The following PIP4K2A variants were observed in gnomAD, a reference collection of about 807,000 sequenced individuals.
The protein encoded by PIP4K2A is phosphatidylinositol-5-phosphate 4-kinase type 2 alpha, also known as phosphatidylinositol 5-phosphate 4-kinase type-2 alpha.
In PIP4K2A, 14 loss-of-function variants were observed where a neutral mutation model predicts 42.9. The ratio of observed to expected loss-of-function variants is 0.33; its 90% CI spans 0.22 to 0.51. The LOEUF (loss-of-function observed/expected upper bound fraction) is 0.51, where lower values mean the gene tolerates loss of function less well. PIP4K2A is among the 20% of genes least tolerant of loss of function. The pLI is 0.97. For synonymous variants in PIP4K2A, 192 were observed against 192.2 expected, an observed-to-expected ratio of 1.00 and a Z score of 0.01; for missense variants, 434 against 519.8, an observed-to-expected ratio of 0.83 and a Z score of 1.61.
At chr10:22,609,495 C>T (rs1286125122) in intron 2 of PIP4K2A, 125 bp downstream of exon 2, 2 of 663,372 alleles carry the variant, frequency 3.0e-6, no homozygotes, top group Non-Finnish European at 5.4e-6. Flanking sequence ...ATGTTTATCA[C>T]AGGATTAACT....
chr10:22,619,539 C>A (rs533270871), intron 1 of PIP4K2A, among the ~76,000 whole-genome samples: 23 of 151,078 alleles, frequency 1.5e-4, no homozygotes, highest in Middle Eastern at 3.4e-3. Flanking sequence ...TGGGTTCAAG[C>A]AATTCTCCTG....
chr10:22,619,261 T>C (rs1459756112), intron 1 of PIP4K2A, among the ~76,000 whole-genome samples: 1 of 151,942 alleles, frequency 6.6e-6, no homozygotes, highest in Non-Finnish European at 1.5e-5. Context: ...GCAAACCAAA[T>C]AGCAATTTGA....
chr10:22,675,891 A>C (rs751849145), intron 1 of PIP4K2A, among the ~76,000 whole-genome samples: 5 of 152,210 alleles, frequency 3.3e-5, no homozygotes, highest in Non-Finnish European at 7.3e-5. Flanking sequence ...AAACTGATCC[A>C]CAAAAAAATC....
intron 4 of PIP4K2A, among the ~76,000 whole-genome samples, chr10:22,579,449 G>A (rs1028280346): frequency 6.6e-6 from 1 of 152,182 alleles, no homozygotes; most frequent in Non-Finnish European, 1.5e-5. Context: ...CTGATAAATG[G>A]TGTTCTCCAC....
intron 1 of PIP4K2A, among the ~76,000 whole-genome samples, chr10:22,703,505 G>C (rs1026506517): frequency 3.3e-5 from 5 of 152,198 alleles, no homozygotes; most frequent in Non-Finnish European, 7.3e-5. Flanking sequence ...TTGCCTTTAG[G>C]AACAGAAAAA....
chr10:22,557,118 A>G lies in PIP4K2A; in HGVS notation c.679-6346T>C, dbSNP rs547981491. 1.8e-4 allele frequency among the ~76,000 whole-genome samples: 27 copies of G among 152,344 alleles called. 1 individual carries two copies. Among genetic ancestry groups the G allele is most frequent in the African/African-American group, 6.5e-4 (27 of 41,568 alleles). The stretch of plus-strand genomic sequence containing the variant: ...TCAATACAAGGTATCAATGATCTCT[A>G]AGGACAGATTTGGCCAGGGGGTTGG... On this transcript the variant is annotated intron_variant, in intron 6 of 9. Transcript: ENST00000376573.
chr10:22,617,142 C>T (rs1025067988), intron 1 of PIP4K2A, among the ~76,000 whole-genome samples: 5 of 152,218 alleles, frequency 3.3e-5, no homozygotes, highest in Non-Finnish European at 5.9e-5. Context: ...TTCCCTCCAA[C>T]ACTGCAAAAC....
At chr10:22,632,435 T>C (rs147243214) in intron 1 of PIP4K2A, among the ~76,000 whole-genome samples, 1 of 152,228 alleles carries the variant, frequency 6.6e-6, no homozygotes, top group African/African-American at 2.4e-5. Flanking sequence ...TAGTATAGTA[T>C]GTACAACATT....
intron 1 of PIP4K2A, among the ~76,000 whole-genome samples, chr10:22,648,039 C>T (rs1336370028): frequency 6.6e-6 from 1 of 152,208 alleles, no homozygotes; most frequent in Non-Finnish European, 1.5e-5. Flanking sequence ...ACCCATTCTT[C>T]AAGGCTGTTC....
chr10:22,576,415 C>A (rs1422167272), intron 4 of PIP4K2A, among the ~76,000 whole-genome samples: 1 of 152,132 alleles, frequency 6.6e-6, no homozygotes, highest in African/African-American at 2.4e-5. Context: ...GTAACACCAG[C>A]GGGTGTTAAC....
In PIP4K2A at chr10:22,638,623, G is replaced by A. The variant is rs181963520; in HGVS notation, c.145-28906C>T. Among the ~76,000 whole-genome samples, 14 of 152,134 alleles carry A rather than the reference G, an allele frequency of 9.2e-5. 1 individual carries two copies. The highest frequency in any genetic ancestry group is 2.1e-4 in the South Asian group (1 of 4,828). On this transcript the variant is annotated intron_variant, in intron 1 of 9. Transcript: ENST00000376573. ...AATTTTCAAAATAAGTATCTTAAACGGAAATTATTCTCCTAGTGAACAGGG... is the reference window on the plus strand; with the variant it reads ...AATTTTCAAAATAAGTATCTTAAACAGAAATTATTCTCCTAGTGAACAGGG...
At chr10:22,689,212 T>G (rs926109853) in intron 1 of PIP4K2A, among the ~76,000 whole-genome samples, 4 of 150,480 alleles carry the variant, frequency 2.7e-5, no homozygotes, top group African/African-American at 9.8e-5. Context: ...TTGGGAGCAA[T>G]CCCCCATCTC....
At chr10:22,596,807 A>G (rs1379992574) in intron 3 of PIP4K2A, among the ~76,000 whole-genome samples, 1 of 152,268 alleles carries the variant, frequency 6.6e-6, no homozygotes, top group Non-Finnish European at 1.5e-5. Flanking sequence ...TGCCCAACTC[A>G]GTTCTCCAAC....
chr10:22,542,058 A>G lies in PIP4K2A; in HGVS notation c.793-11T>C. The G allele has an allele frequency of 1.9e-6, 3 of 1,600,446 alleles. No homozygotes were observed. The highest frequency in any genetic ancestry group is 3.3e-4 in the Middle Eastern group (2 of 5,976). On this transcript the variant is annotated splice_polypyrimidine_tract_variant and intron_variant, in intron 7 of 9. Transcript: ENST00000376573. ...CAGCTGGGCCAGAAACTGGGGACAG[A>G]GGCAACAGGGTGAGTCAGCCACACC...
chr10:22,709,647 G>A (rs2130929645), intron 1 of PIP4K2A, among the ~76,000 whole-genome samples: 1 of 152,292 alleles, frequency 6.6e-6, no homozygotes, highest in South Asian at 2.1e-4. Flanking sequence ...GCATCATTCT[G>A]AGTACTGAAG....
intron 1 of PIP4K2A, among the ~76,000 whole-genome samples, chr10:22,619,944 G>A (rs1365547403): frequency 1.3e-5 from 2 of 152,084 alleles, no homozygotes; most frequent in African/African-American, 2.4e-5. Context: ...AAAGCACAAA[G>A]GTCATCCTTT....
intron 1 of PIP4K2A, among the ~76,000 whole-genome samples, chr10:22,627,193 A>C (rs1838457315): frequency 6.6e-6 from 1 of 152,270 alleles, no homozygotes; most frequent in Non-Finnish European, 1.5e-5. Flanking sequence ...TGCTATGAAC[A>C]TGAATCAAGC....
rs746620348 is a variant in PIP4K2A, at chr10:22,591,788, G to A, written c.340-7C>T. On this transcript the variant is annotated splice_polypyrimidine_tract_variant and splice_region_variant and intron_variant, in intron 3 of 9. Transcript: ENST00000376573. ...CGCTCCTGGTCAGGGAATTCTTCCC[G>A]GGTGGGGTAAGAGGGGAAGGAAGGC... 44 of 1,606,270 alleles carry A rather than the reference G, an allele frequency of 2.7e-5. No homozygotes were observed. The highest frequency in any genetic ancestry group is 2.0e-4 in the Admixed American group (12 of 59,186).
intron 1 of PIP4K2A, among the ~76,000 whole-genome samples, chr10:22,682,254 A>G (rs1396277601): frequency 6.6e-6 from 1 of 152,218 alleles, no homozygotes; most frequent in Admixed American, 6.5e-5. Context: ...TTAAGAGCCA[A>G]AGTTACTTTT....
Sources: gnomAD v4.1 joint callset for allele counts (sites outside exome capture counted in the v4.1 genomes callset) on GRCh38, gnomAD v4.1.1 for gene constraint, MANE v1.5 for transcripts, NCBI Gene and HGNC (gene_info 2026-07-23, HGNC 2026-07-21) for gene names.